NELL1: variants seen among roughly 807,000 people sequenced by gnomAD.
The protein encoded by NELL1 is neural EGFL like 1.
In NELL1, 76 loss-of-function variants were observed where a neutral mutation model predicts 107.4. That is an observed-to-expected ratio of 0.71 (90% CI 0.59 to 0.86). The LOEUF (loss-of-function observed/expected upper bound fraction) is 0.86, where lower values mean the gene tolerates loss of function less well. NELL1 is among the 40% of genes least tolerant of loss of function. NELL1 has a pLI of 0.00. For synonymous variants in NELL1, 353 were observed against 341.2 expected (o/e 1.03, Z -0.38); for missense variants, 1,024 against 1,005.5 (o/e 1.02, Z -0.25).
At chr11:21,108,688 G>A (rs944792522) in intron 12 of NELL1, among the ~76,000 whole-genome samples, 1 of 152,104 alleles carries the variant, frequency 6.6e-6, no homozygotes, top group African/African-American at 2.4e-5. Flanking sequence ...GTGTCAGTCT[G>A]TGAGTTCCAG....
intron 14 of NELL1, among the ~76,000 whole-genome samples, chr11:21,247,062 T>C (rs1054457161): frequency 6.6e-6 from 1 of 152,082 alleles, no homozygotes; most frequent in Non-Finnish European, 1.5e-5. Context: ...AAATGTGGTA[T>C]AAAAGATAAA....
intron 12 of NELL1, among the ~76,000 whole-genome samples, chr11:20,993,598 A>G (rs1247561977): frequency 1.3e-5 from 2 of 152,194 alleles, no homozygotes; most frequent in African/African-American, 4.8e-5. Context: ...ACGGATGTTC[A>G]AGTCTTGGAC....
intron 12 of NELL1, among the ~76,000 whole-genome samples, chr11:21,073,842 A>T (rs540866124): frequency 6.6e-6 from 1 of 152,340 alleles, no homozygotes; most frequent in South Asian, 2.1e-4. Flanking sequence ...TATAAATAGA[A>T]AATGAATAAA....
intron 12 of NELL1, among the ~76,000 whole-genome samples, chr11:21,102,323 A>T (rs893745896): frequency 1.3e-5 from 2 of 152,106 alleles, no homozygotes; most frequent in Admixed American, 6.6e-5. Flanking sequence ...ATCTAATATC[A>T]CCACCATTAC....
intron 15 of NELL1, among the ~76,000 whole-genome samples, chr11:21,434,247 T>C (rs961173144): frequency 3.3e-5 from 5 of 152,214 alleles, no homozygotes; most frequent in Admixed American, 2.6e-4. Context: ...TCTAAAATCT[T>C]ACCCATAAAA....
intron 12 of NELL1, among the ~76,000 whole-genome samples, chr11:21,067,963 G>A (rs995895882): frequency 1.4e-5 from 2 of 143,548 alleles, no homozygotes; most frequent in Non-Finnish European, 3.0e-5. Flanking sequence ...AACTCGGGAG[G>A]CGGAGGTTGT....
At chr11:21,435,661 C>A (rs191078462) in intron 15 of NELL1, among the ~76,000 whole-genome samples, 1 of 151,962 alleles carries the variant, frequency 6.6e-6, no homozygotes, top group East Asian at 1.9e-4. Context: ...TTCTTGTATT[C>A]TTGGGATAAA....
chr11:21,119,527 T>G (rs903446182), intron 13 of NELL1, among the ~76,000 whole-genome samples: 1 of 152,018 alleles, frequency 6.6e-6, no homozygotes, highest in African/African-American at 2.4e-5. Flanking sequence ...GACATGAGTA[T>G]GTGTTATATA....
intron 15 of NELL1, among the ~76,000 whole-genome samples, chr11:21,388,222 G>C (rs181216561): frequency 4.0e-5 from 6 of 151,830 alleles, no homozygotes; most frequent in Admixed American, 3.9e-4. Flanking sequence ...TAGCCACAGG[G>C]CATTTCTACA....
chr11:21,110,262 G>A (rs1167111651), intron 12 of NELL1, among the ~76,000 whole-genome samples: 4 of 152,108 alleles, frequency 2.6e-5, no homozygotes, highest in Non-Finnish European at 5.9e-5. Context: ...GGTATAAACT[G>A]AAAACCTACT....
intron 15 of NELL1, among the ~76,000 whole-genome samples, chr11:21,450,007 T>G (rs932823894): frequency 5.9e-5 from 9 of 152,318 alleles, no homozygotes; most frequent in Non-Finnish European, 1.0e-4. Flanking sequence ...TTGTTAAAAA[T>G]TATTTCATTC....
intron 12 of NELL1, among the ~76,000 whole-genome samples, chr11:20,993,144 G>A (rs1193972522): frequency 2.0e-5 from 3 of 152,036 alleles, no homozygotes; most frequent in African/African-American, 2.4e-5. Context: ...TTCATGGCTC[G>A]ATTTAGAAGC....
chr11:21,187,926 T>C (rs1367220652), intron 13 of NELL1, among the ~76,000 whole-genome samples: 1 of 151,892 alleles, frequency 6.6e-6, no homozygotes, highest in African/African-American at 2.4e-5. Context: ...CTTATCTGAC[T>C]TTTAGAACCT....
chr11:20,750,958 G>A (rs1314808511), intron 2 of NELL1, among the ~76,000 whole-genome samples: 1 of 152,104 alleles, frequency 6.6e-6, no homozygotes, highest in African/African-American at 2.4e-5. Context: ...CTCCCCAGAT[G>A]TTCTGGCACT....
At chr11:21,147,862 A>G (rs1156339034) in intron 13 of NELL1, among the ~76,000 whole-genome samples, 3 of 150,204 alleles carry the variant, frequency 2.0e-5, no homozygotes, top group Admixed American at 6.6e-5. Context: ...AAAAAAAAAA[A>G]AAAGAAAAGA....
rs762448834 is a variant in NELL1, at chr11:21,175,256, T to A, written c.1427-54076T>A. ...ACACCAATAGATGGGATCTTCTTGT[T>A]TGTTTGGTGTCTGGGCCTTTCTGCA... On this transcript the variant is annotated intron_variant, in intron 13 of 19. Coordinates refer to ENST00000357134, the MANE Select transcript of NELL1 (RefSeq NM_006157.5). 5.9e-4 allele frequency among the ~76,000 whole-genome samples: 90 copies of A among 151,854 alleles called. 1 individual carries two copies. The highest frequency in any genetic ancestry group is 3.7e-4 in the Non-Finnish European group (25 of 67,994).
At chr11:21,186,350 A>C (rs922895643) in intron 13 of NELL1, among the ~76,000 whole-genome samples, 3 of 151,834 alleles carry the variant, frequency 2.0e-5, no homozygotes, top group Admixed American at 2.0e-4. Flanking sequence ...TGGCCAAAAA[A>C]TGGCAAATGT....
At chr11:21,151,890 T>A (rs755365125) in intron 13 of NELL1, among the ~76,000 whole-genome samples, 2 of 152,198 alleles carry the variant, frequency 1.3e-5, no homozygotes, top group Non-Finnish European at 2.9e-5. Flanking sequence ...TGTCTGGAGG[T>A]ATCACTTTAT....
intron 15 of NELL1, among the ~76,000 whole-genome samples, chr11:21,480,450 C>T (rs1854463946): frequency 6.6e-6 from 1 of 152,160 alleles, no homozygotes; most frequent in Non-Finnish European, 1.5e-5. Context: ...GACTGTCTCA[C>T]AACCTGGCAG....
Sources: allele counts gnomAD v4.1 joint callset (sites outside exome capture counted in the v4.1 genomes callset), GRCh38; gene constraint gnomAD v4.1.1; transcripts MANE v1.5; gene names NCBI Gene and HGNC (gene_info 2026-07-23, HGNC 2026-07-21).